Variants in LRRC4C observed in about 807,000 individuals in gnomAD.
LRRC4C encodes leucine rich repeat containing 4C.
A neutral mutation model predicts 33.6 loss-of-function variants in LRRC4C; 5 were observed. The observed-to-expected ratio is 0.15, with a 90% CI of 0.08 to 0.31. The LOEUF (loss-of-function observed/expected upper bound fraction) is 0.31. Ranked by LOEUF, LRRC4C falls within the 10% of genes least tolerant of loss-of-function variation. The pLI is 1.00. For missense variants in LRRC4C, 560 were observed against 796.7 expected (o/e 0.70, Z 3.58); for synonymous variants, 329 against 302.0 (o/e 1.09, Z -0.93).
At chr11:40,373,880 T>A (rs986659086) in intron 3 of LRRC4C, among the ~76,000 whole-genome samples, 2 of 152,196 alleles carry the variant, frequency 1.3e-5, no homozygotes, top group African/African-American at 4.8e-5. Flanking sequence ...TGGAGACATA[T>A]TTGTACAGCC....
chr11:40,607,820 T>A (rs1479136273), intron 3 of LRRC4C, among the ~76,000 whole-genome samples: 1 of 152,094 alleles, frequency 6.6e-6, no homozygotes, highest in African/African-American at 2.4e-5. Flanking sequence ...GGAGCACACG[T>A]AACACACACC....
rs111797947 is a variant in LRRC4C, at chr11:40,126,959, C to CAA, written c.-42-10627_-42-10626dup. On this transcript the variant is annotated intron_variant, in intron 6 of 6. Coordinates refer to ENST00000528697, the MANE Select transcript of LRRC4C (RefSeq NM_001258419.2). The stretch of plus-strand genomic sequence containing the variant: ...TGGGTGACAGAGCGAAACTTTGTCT[C>CAA]AAAAAAAAAAAATAAATAAAAAGAA... 2.5e-3 allele frequency among the ~76,000 whole-genome samples: 344 copies of CAA among 138,036 alleles called. 1 individual carries two copies. Among genetic ancestry groups the CAA allele is most frequent in the African/African-American group, 8.3e-3 (318 of 38,114 alleles). 90.6% of individuals were successfully genotyped at this position (138,036 alleles called of 152,430 possible). A position where few individuals can be genotyped will look rare whatever the true frequency, so the allele number is the denominator to read the frequency against.
At chr11:41,400,113 T>C (rs908752486) in intron 1 of LRRC4C, among the ~76,000 whole-genome samples, 3 of 151,976 alleles carry the variant, frequency 2.0e-5, no homozygotes, top group Non-Finnish European at 4.4e-5. Context: ...TCAGGAAACA[T>C]CTAATCTAAG....
At chr11:40,569,894 G>A (rs530969851) in intron 3 of LRRC4C, among the ~76,000 whole-genome samples, 1 of 152,100 alleles carries the variant, frequency 6.6e-6, no homozygotes, top group South Asian at 2.1e-4. Flanking sequence ...CTAACAAGCA[G>A]TAAAATCATG....
At chr11:40,489,678 C>T (rs1042864845) in intron 3 of LRRC4C, among the ~76,000 whole-genome samples, 2 of 152,092 alleles carry the variant, frequency 1.3e-5, no homozygotes, top group African/African-American at 4.8e-5. Flanking sequence ...ATGGAACCCC[C>T]TTTATTGTTC....
intron 2 of LRRC4C, among the ~76,000 whole-genome samples, chr11:40,818,685 T>C (rs1951802440): frequency 6.6e-6 from 1 of 152,086 alleles, no homozygotes; most frequent in Non-Finnish European, 1.5e-5. Context: ...TATTATTTTA[T>C]ATCGAGATTT....
At chr11:40,448,084 A>G (rs7927777) in intron 3 of LRRC4C, among the ~76,000 whole-genome samples, 54,612 of 151,794 alleles carry the variant, frequency 0.36, 10,346 homozygotes, top group East Asian at 0.52. Context: ...TGGGATTACA[A>G]GCATGAACCA....
chr11:40,781,214 A>G (rs1259591530), intron 2 of LRRC4C, among the ~76,000 whole-genome samples: 2 of 152,212 alleles, frequency 1.3e-5, no homozygotes, highest in Non-Finnish European at 2.9e-5. Context: ...AAGGTACAGT[A>G]AAATCAGGGT....
intron 6 of LRRC4C, among the ~76,000 whole-genome samples, chr11:40,135,637 G>C (rs1856918242): frequency 6.6e-6 from 1 of 152,120 alleles, no homozygotes; most frequent in Non-Finnish European, 1.5e-5. Context: ...CCTTGATTTG[G>C]ATGGTTAAAA....
At chr11:41,133,445 T>G (rs1220433100) in intron 1 of LRRC4C, among the ~76,000 whole-genome samples, 1 of 152,088 alleles carries the variant, frequency 6.6e-6, no homozygotes, top group African/African-American at 2.4e-5. Flanking sequence ...AATGTGTATC[T>G]GTTAGTTATA....
intron 4 of LRRC4C, among the ~76,000 whole-genome samples, chr11:40,249,723 G>T (rs1778538342): frequency 6.6e-6 from 1 of 151,864 alleles, no homozygotes; most frequent in Non-Finnish European, 1.5e-5. Context: ...TAATACTTAA[G>T]GTCTCTGTTC....
chr11:41,278,922 T>A (rs548007017), intron 1 of LRRC4C, among the ~76,000 whole-genome samples: 1 of 152,318 alleles, frequency 6.6e-6, no homozygotes, highest in South Asian at 2.1e-4. Context: ...AATCATCCCA[T>A]CACCTAGGTA....
intron 1 of LRRC4C, among the ~76,000 whole-genome samples, chr11:41,261,691 C>T (rs1948986806): frequency 6.6e-6 from 1 of 151,994 alleles, no homozygotes; most frequent in African/African-American, 2.4e-5. Flanking sequence ...CTCTAGTGGG[C>T]AGAGAGATTA....
chr11:40,309,512 T>G (rs1261303657), intron 4 of LRRC4C, among the ~76,000 whole-genome samples: 1 of 102,714 alleles, frequency 9.7e-6, no homozygotes, highest in Non-Finnish European at 2.4e-5. Context: ...GGAGCAGAAG[T>G]GTATTTTTTT....
At chr11:40,634,333 T>G (rs753745976) in intron 3 of LRRC4C, among the ~76,000 whole-genome samples, 2 of 152,210 alleles carry the variant, frequency 1.3e-5, no homozygotes, top group Non-Finnish European at 2.9e-5. Context: ...TATATATATA[T>G]ACACATATAT....
intron 3 of LRRC4C, among the ~76,000 whole-genome samples, chr11:40,336,746 A>G (rs534142116): frequency 4.6e-5 from 7 of 152,040 alleles, no homozygotes; most frequent in Middle Eastern, 3.4e-3. Context: ...GGAGGCCAAG[A>G]TGGGCAGATA....
intron 5 of LRRC4C, among the ~76,000 whole-genome samples, chr11:40,144,271 G>T (rs541576692): frequency 4.6e-5 from 7 of 152,152 alleles, no homozygotes; most frequent in Non-Finnish European, 8.8e-5. Flanking sequence ...TGAATTATAT[G>T]TATTTTTCTA....
At chr11:40,937,970 A>G (rs1289867884) in intron 1 of LRRC4C, among the ~76,000 whole-genome samples, 1 of 152,080 alleles carries the variant, frequency 6.6e-6, no homozygotes, top group Non-Finnish European at 1.5e-5. Context: ...TCTTCTTTGT[A>G]ATTTCTTCTG....
chr11:40,287,252 C>CTG (rs1466533399), intron 4 of LRRC4C, among the ~76,000 whole-genome samples: 12 of 103,532 alleles, frequency 1.2e-4, no homozygotes, highest in Admixed American at 1.1e-3. Context: ...CTTAATGTCA[C>CTG]TGTATGTGTG....
Sources: gnomAD v4.1 joint callset for allele counts (sites outside exome capture counted in the v4.1 genomes callset) on GRCh38, gnomAD v4.1.1 for gene constraint, MANE v1.5 for transcripts, NCBI Gene and HGNC (gene_info 2026-07-23, HGNC 2026-07-21) for gene names.